Variants in STXBP5L observed in about 807,000 individuals in gnomAD.
STXBP5L encodes syntaxin-binding protein 5-like.
STXBP5L carries 65 observed loss-of-function variants against 144.5 expected under a neutral mutation model. That is an observed-to-expected ratio of 0.45 (90% CI 0.37 to 0.55). The LOEUF is 0.55. Ranked by LOEUF, STXBP5L falls within the 20% of genes least tolerant of loss-of-function variation. The probability of loss-of-function intolerance (pLI) is 0.00; values close to 1 mark genes in which losing one functional copy is unlikely to be tolerated. For missense variants in STXBP5L, 1,298 were observed against 1,405.5 expected (o/e 0.92, Z 1.22); for synonymous variants, 505 against 469.6 (o/e 1.08, Z -0.97).
intron 5 of STXBP5L, among the ~76,000 whole-genome samples, chr3:121,050,608 C>T (rs927167149): frequency 4.6e-5 from 7 of 152,070 alleles, no homozygotes; most frequent in East Asian, 1.9e-4. Context: ...AAGGAACAAC[C>T]GGTACCAGCC....
intron 18 of STXBP5L, among the ~76,000 whole-genome samples, chr3:121,268,440 G>A (rs1187841648): frequency 6.6e-6 from 1 of 152,094 alleles, no homozygotes; most frequent in African/African-American, 2.4e-5. Flanking sequence ...AGCATTAGGA[G>A]AAGTGCCTAA....
intron 20 of STXBP5L, among the ~76,000 whole-genome samples, chr3:121,363,464 G>C (rs2108643713): frequency 6.6e-6 from 1 of 152,310 alleles, no homozygotes; most frequent in Non-Finnish European, 1.5e-5. Context: ...GGCTAGGGAT[G>C]GTTGAAATTC....
chr3:121,394,935 T>C (rs1356612842), intron 22 of STXBP5L, among the ~76,000 whole-genome samples: 1 of 152,080 alleles, frequency 6.6e-6, no homozygotes, highest in Non-Finnish European at 1.5e-5. Flanking sequence ...TGAAGAAAAA[T>C]GAAATTCCCT....
chr3:121,356,047 A>G (rs931119986), intron 20 of STXBP5L, among the ~76,000 whole-genome samples: 1 of 152,106 alleles, frequency 6.6e-6, no homozygotes, highest in Non-Finnish European at 1.5e-5. Flanking sequence ...ATTGCTGCCT[A>G]ATCCTTCCTC....
chr3:121,274,634 G>A (rs2108428094), intron 18 of STXBP5L, among the ~76,000 whole-genome samples: 1 of 152,318 alleles, frequency 6.6e-6, no homozygotes, highest in East Asian at 1.9e-4. Context: ...AGGGCTCTGT[G>A]GTCAGAGGCA....
intron 10 of STXBP5L, among the ~76,000 whole-genome samples, chr3:121,210,623 G>T (rs1224542343): frequency 1.3e-5 from 2 of 152,118 alleles, no homozygotes; most frequent in African/African-American, 4.8e-5. Flanking sequence ...TGTGAGTAAG[G>T]GATCCAGTTT....
At chr3:121,061,600 T>C (rs1257919878) in intron 5 of STXBP5L, among the ~76,000 whole-genome samples, 1 of 152,148 alleles carries the variant, frequency 6.6e-6, no homozygotes, top group African/African-American at 2.4e-5. Flanking sequence ...TGTGTGGGAG[T>C]CTAATTCTCT....
In STXBP5L at chr3:121,190,578, C is replaced by T. The variant is rs529136969; in HGVS notation, c.878-15345C>T. Among the ~76,000 whole-genome samples, 309 of 152,354 alleles carry T rather than the reference C, an allele frequency of 2.0e-3. 3 individuals carry two copies. Among genetic ancestry groups the T allele is most frequent in the African/African-American group, 6.9e-3 (285 of 41,576 alleles). ...TCAATGAGCTGTTGGGTACACCTCC[C>T]AGATGGGGTGGCGGCCGGGCACAGG... is the stretch of plus-strand genomic sequence containing the variant. On this transcript the variant is annotated intron_variant, in intron 9 of 26. Coordinates refer to ENST00000471454, the MANE Select transcript of STXBP5L (RefSeq NM_001308330.2).
intron 19 of STXBP5L, among the ~76,000 whole-genome samples, chr3:121,294,019 A>G (rs975558738): frequency 6.6e-6 from 1 of 152,284 alleles, no homozygotes; most frequent in Non-Finnish European, 1.5e-5. Flanking sequence ...GGACAAGATC[A>G]TAAAAGCTTC....
At chr3:121,146,259 TAATACAGTCCTTATAATTTCCAGAAA>T (rs1184874090) in intron 7 of STXBP5L, among the ~76,000 whole-genome samples, 5 of 152,092 alleles carry the variant, frequency 3.3e-5, no homozygotes, top group Admixed American at 1.3e-4. Context: ...GAACCCTGAC[TAATACAGTCCTTATAATTTCCAGAAA>T]GTAGCACAAG....
intron 20 of STXBP5L, among the ~76,000 whole-genome samples, chr3:121,339,021 G>A (rs1379243935): frequency 6.6e-6 from 1 of 152,076 alleles, no homozygotes; most frequent in Non-Finnish European, 1.5e-5. Flanking sequence ...GACTGAGAAA[G>A]AAGGAATCCT....
chr3:121,039,449 A>T (rs1188164843), intron 3 of STXBP5L, among the ~76,000 whole-genome samples: 1 of 151,784 alleles, frequency 6.6e-6, no homozygotes, highest in Admixed American at 6.6e-5. Context: ...CAAATGTACT[A>T]TTATTATTTT....
intron 20 of STXBP5L, among the ~76,000 whole-genome samples, chr3:121,348,044 C>A (rs1437140048): frequency 1.3e-5 from 2 of 151,938 alleles, no homozygotes; most frequent in Admixed American, 1.3e-4. Context: ...CCAGTTTTCA[C>A]AGGGAATGCT....
At chr3:121,041,818 C>T in intron 4 of STXBP5L, 37 bp downstream of exon 4, 2 of 1,321,868 alleles carry the variant, frequency 1.5e-6, no homozygotes, top group Non-Finnish European at 1.1e-6. Flanking sequence ...ATCACACACT[C>T]CCCCACTACA....
intron 20 of STXBP5L, among the ~76,000 whole-genome samples, chr3:121,331,632 C>T (rs1480246192): frequency 6.6e-6 from 1 of 152,134 alleles, no homozygotes; most frequent in Non-Finnish European, 1.5e-5. Context: ...CTGAAAAGAC[C>T]ACAGTGCATT....
At chr3:121,244,155 T>C (rs960974960) in intron 14 of STXBP5L, among the ~76,000 whole-genome samples, 4 of 151,614 alleles carry the variant, frequency 2.6e-5, no homozygotes, top group African/African-American at 9.7e-5. Flanking sequence ...AGAATACAAA[T>C]AGAAAACTAA....
intron 3 of STXBP5L, among the ~76,000 whole-genome samples, chr3:121,007,641 A>C (rs753486072): frequency 6.6e-6 from 1 of 152,022 alleles, no homozygotes; most frequent in Non-Finnish European, 1.5e-5. Flanking sequence ...AGATAACAGG[A>C]TGAGGGTGGG....
chr3:121,057,999 A>C (rs1203954), intron 5 of STXBP5L, among the ~76,000 whole-genome samples: 2 of 151,758 alleles, frequency 1.3e-5, no homozygotes, highest in Non-Finnish European at 1.5e-5. Flanking sequence ...TATTATACTT[A>C]AAGTTTTGGG....
chr3:121,335,873 A>G, intron 20 of STXBP5L, among the ~76,000 whole-genome samples: 1 of 152,184 alleles, frequency 6.6e-6, no homozygotes, highest in Non-Finnish European at 1.5e-5. Context: ...AGATTTCATG[A>G]TGGAGACACC....
Sources: allele counts gnomAD v4.1 joint callset (sites outside exome capture counted in the v4.1 genomes callset), GRCh38; gene constraint gnomAD v4.1.1; transcripts MANE v1.5; gene names NCBI Gene and HGNC (gene_info 2026-07-23, HGNC 2026-07-21).